RERE: variants seen among roughly 807,000 people sequenced by gnomAD.
RERE encodes arginine-glutamic acid dipeptide repeats protein.
Under a neutral mutation model 146.1 loss-of-function variants are expected in RERE, and 40 were observed. The ratio of observed to expected loss-of-function variants is 0.27; its 90% CI spans 0.21 to 0.36. The LOEUF is 0.36. RERE is among the 10% of genes least tolerant of loss of function. The pLI, the probability that RERE is intolerant of heterozygous loss-of-function variation, is 1.00. For missense variants in RERE, 1,933 were observed against 2,138.7 expected, an observed-to-expected ratio of 0.90 and a Z score of 1.90; for synonymous variants, 1,003 against 866.0, an observed-to-expected ratio of 1.16 and a Z score of -2.78.
intron 12 of RERE, among the ~76,000 whole-genome samples, chr1:8,408,587 T>C (rs1421585757): frequency 3.9e-5 from 6 of 152,134 alleles, no homozygotes; most frequent in African/African-American, 1.4e-4. Flanking sequence ...TAAAGGTTTC[T>C]GAACCACAGA....
At chr1:8,563,534 G>C (rs17032676) in intron 4 of RERE, among the ~76,000 whole-genome samples, 1,943 of 152,294 alleles carry the variant, frequency 0.013, 37 homozygotes, top group African/African-American at 0.045. Context: ...CTGTCCCTCT[G>C]TGTTATCAAA....
intron 1 of RERE, among the ~76,000 whole-genome samples, chr1:8,709,365 C>A (rs1253453178): frequency 6.6e-6 from 1 of 151,888 alleles, no homozygotes; most frequent in South Asian, 2.1e-4. Flanking sequence ...AGCAATCCAC[C>A]CACCTCGGCC....
intron 4 of RERE, among the ~76,000 whole-genome samples, chr1:8,566,634 A>AG (rs1646156298): frequency 1.3e-5 from 2 of 151,930 alleles, no homozygotes; most frequent in African/African-American, 4.8e-5. Flanking sequence ...CAAAAAACAA[A>AG]CAAAAAAAAA....
chr1:8,545,845 G>A (rs1050437504), intron 6 of RERE, among the ~76,000 whole-genome samples: 6 of 148,026 alleles, frequency 4.1e-5, no homozygotes, highest in African/African-American at 1.0e-4. Context: ...CACCACACCC[G>A]GCTAACTTTT....
chr1:8,438,316 C>A (rs1382484189), intron 11 of RERE, among the ~76,000 whole-genome samples: 2 of 152,112 alleles, frequency 1.3e-5, no homozygotes, highest in Non-Finnish European at 2.9e-5. Flanking sequence ...GGAAAAAAAT[C>A]AATATAGGAT....
intron 1 of RERE, among the ~76,000 whole-genome samples, chr1:8,789,301 A>AAAAAAAAAAAAAATATATATATAT: frequency 2.0e-4 from 5 of 24,810 alleles, no homozygotes; most frequent in African/African-American, 2.3e-4. Flanking sequence ...AAAAAAAAAA[A>AAAAAAAAAAAAAATATATATATAT]ATATATATAT....
chr1:8,815,586 G>GCC (rs1641895377), intron 1 of RERE, among the ~76,000 whole-genome samples: 1 of 152,220 alleles, frequency 6.6e-6, no homozygotes. Flanking sequence ...GAGAAGAGAA[G>GCC]TCTCTGAACA....
chr1:8,374,349 T>A (rs749342996), intron 12 of RERE, among the ~76,000 whole-genome samples: 6 of 151,062 alleles, frequency 4.0e-5, no homozygotes, highest in Non-Finnish European at 5.9e-5. Flanking sequence ...TATAACATTT[T>A]AAAAAATCAG....
intron 1 of RERE, among the ~76,000 whole-genome samples, chr1:8,756,307 T>A (rs1266403870): frequency 6.6e-6 from 1 of 152,240 alleles, no homozygotes; most frequent in Non-Finnish European, 1.5e-5. Context: ...ATAACTAAAG[T>A]GACTACTGCC....
chr1:8,660,239 TG>T (rs1638424091), intron 1 of RERE, among the ~76,000 whole-genome samples: 1 of 152,198 alleles, frequency 6.6e-6, no homozygotes, highest in Non-Finnish European at 1.5e-5. Context: ...GTTTAGCATA[TG>T]AATTATAATT....
At chr1:8,670,849 G>A (rs1210597354) in intron 1 of RERE, among the ~76,000 whole-genome samples, 1 of 152,134 alleles carries the variant, frequency 6.6e-6, no homozygotes, top group Non-Finnish European at 1.5e-5. Flanking sequence ...GTAACAATCC[G>A]AGGTACATTT....
rs1641194379 is a variant in RERE, at chr1:8,354,001, T to G, written c.*1086A>C. ...TGTCCTGGGTCACTTGTGTGCTGAG[T>G]TATTTGTATGGAATCATTTTCTTAG... On this transcript the variant is annotated 3_prime_UTR_variant, in exon 23 of 23. Coordinates refer to ENST00000400908, the MANE Select transcript of RERE (RefSeq NM_001042681.2). The G allele has an allele frequency of 6.6e-6, 1 of 152,582 alleles. No homozygotes were observed. Among genetic ancestry groups the G allele is most frequent in the African/African-American group, 2.4e-5 (1 of 41,448 alleles). The allele number at this position is 152,582 out of a possible 1,614,324, so 9.5% of individuals were successfully genotyped here.
At chr1:8,711,157 CAAAAAAAAAAAAAAAAAAA>C (rs57814312) in intron 1 of RERE, among the ~76,000 whole-genome samples, 2 of 68,248 alleles carry the variant, frequency 2.9e-5, no homozygotes, top group Non-Finnish European at 5.0e-5. Context: ...ACTCTGTCTC[CAAAAAAAAAAAAAAAAAAA>C]AAAAAAAAAA....
At chr1:8,528,188 A>G (rs145918546) in intron 7 of RERE, among the ~76,000 whole-genome samples, 242 of 152,344 alleles carry the variant, frequency 1.6e-3, no homozygotes, top group African/African-American at 5.3e-3. Flanking sequence ...CTCAAACTGA[A>G]GAACACTTGA....
At chr1:8,659,129 C>T (rs1190407537) in intron 1 of RERE, among the ~76,000 whole-genome samples, 2 of 152,214 alleles carry the variant, frequency 1.3e-5, no homozygotes, top group African/African-American at 4.8e-5. Context: ...CCCAGATGAA[C>T]CGTCTGCTAA....
chr1:8,632,873 T>C (rs1647050743), intron 2 of RERE, among the ~76,000 whole-genome samples: 1 of 152,226 alleles, frequency 6.6e-6, no homozygotes, highest in African/African-American at 2.4e-5. Flanking sequence ...AAAAGTTTAA[T>C]TGCCATTCTG....
In RERE at chr1:8,804,827, T is replaced by C. The variant is rs1328780495; in HGVS notation, c.-145+12333A>G. On this transcript the variant is annotated intron_variant, in intron 1 of 22. Transcript: ENST00000400908. ...AAGGTAGCATACTGGTTCAGGACTG[T>C]CTATGAGATACATGAAAGAAAGGAA... Among the ~76,000 whole-genome samples, 10 of 152,184 alleles carry C rather than the reference T, an allele frequency of 6.6e-5. No individual in the cohort carries two copies. The East Asian group carries it at 1.9e-3, about 29-fold the overall frequency.
At chr1:8,692,982 A>G (rs1393098092) in intron 1 of RERE, among the ~76,000 whole-genome samples, 1 of 152,198 alleles carries the variant, frequency 6.6e-6, no homozygotes, top group East Asian at 1.9e-4. Flanking sequence ...TCCATGACAA[A>G]TAGTAGAGAA....
intron 12 of RERE, among the ~76,000 whole-genome samples, chr1:8,412,543 T>C (rs1226365329): frequency 6.6e-6 from 1 of 152,236 alleles, no homozygotes; most frequent in Non-Finnish European, 1.5e-5. Context: ...GTGCACACCC[T>C]TTAGGGATTA....
Sources: allele counts gnomAD v4.1 joint callset (sites outside exome capture counted in the v4.1 genomes callset), GRCh38; gene constraint gnomAD v4.1.1; transcripts MANE v1.5; gene names NCBI Gene and HGNC (gene_info 2026-07-23, HGNC 2026-07-21).